Variants in STX6 observed in about 807,000 individuals in gnomAD.
The protein encoded by STX6 is syntaxin-6.
STX6 carries 23 observed loss-of-function variants against 38.0 expected under a neutral mutation model. The observed-to-expected ratio is 0.60, with a 90% CI of 0.43 to 0.86. The LOEUF is 0.86. Ranked by LOEUF, STX6 falls within the 40% of genes least tolerant of loss-of-function variation. The probability of loss-of-function intolerance (pLI) is 0.00; values close to 1 mark genes in which losing one functional copy is unlikely to be tolerated. For synonymous variants in STX6, 123 were observed against 107.5 expected (o/e 1.14, Z -0.89); for missense variants, 274 against 312.9 (o/e 0.88, Z 0.94).
intron 1 of STX6, among the ~76,000 whole-genome samples, chr1:181,011,561 C>T (rs909153970): frequency 2.6e-5 from 4 of 152,208 alleles, no homozygotes; most frequent in African/African-American, 9.7e-5. Flanking sequence ...GGAGACAACC[C>T]TCTCAATCCA....
chr1:181,004,005 G>A (rs1350969506), intron 2 of STX6, among the ~76,000 whole-genome samples: 1 of 152,208 alleles, frequency 6.6e-6, no homozygotes, highest in Admixed American at 6.5e-5. Context: ...TTACCGAAGT[G>A]TAACACTGGC....
At chr1:181,013,597 T>C (rs1385032726) in intron 1 of STX6, among the ~76,000 whole-genome samples, 1 of 152,230 alleles carries the variant, frequency 6.6e-6, no homozygotes, top group Non-Finnish European at 1.5e-5. Context: ...TTTTGATTTA[T>C]CCTTTCTTCT....
At chr1:181,002,990 C>G (rs762042678) in intron 2 of STX6, among the ~76,000 whole-genome samples, 1 of 152,228 alleles carries the variant, frequency 6.6e-6, no homozygotes, top group African/African-American at 2.4e-5. Flanking sequence ...TGGGCTCTTC[C>G]TGTTTGCCAA....
intron 1 of STX6, among the ~76,000 whole-genome samples, chr1:181,006,220 G>A (rs570078022): frequency 2.0e-5 from 3 of 151,892 alleles, no homozygotes; most frequent in Admixed American, 6.6e-5. Context: ...CCGCCACCAC[G>A]CCTGGCTAAT....
At position 180,984,750 on chromosome 1, in the gene STX6, G is replaced by C. The variant is rs557180248; in HGVS notation, c.618C>G (p.His206Gln). The C allele has an allele frequency of 1.4e-5, 22 of 1,585,662 alleles. No individual in the cohort carries two copies. The highest frequency in any genetic ancestry group is 1.7e-4 in the Middle Eastern group (1 of 6,030). The change falls in exon 7 of 8, where the codon CAC becomes CAG. Residue 206 changes from histidine (H) to glutamine (Q), a missense_variant. By Grantham distance (24) the His-to-Gln change is conservative (BLOSUM62 0). Transcript: ENST00000258301. ...GCCGGGACTGAGTGCTCTCCAATTC[G>C]TGAGAGAAATCTTCCAACATACTAG... The part of the protein sequence containing the change: ...EQAVMLEDFS[H>Q]ELESTQSRLD...
At position 180,984,080 on chromosome 1, in the gene STX6, A is replaced by AC. The variant is rs1334083870; in HGVS notation, c.691+596_691+597insG. ...CTCCATCTCAAAAAAAAAAAAAAAA[A>AC]AAAAAAAAAACACAACGAAAGTGAC... On this transcript the variant is annotated intron_variant, in intron 7 of 7. Transcript: ENST00000258301. Among the ~76,000 whole-genome samples, 6 of 148,756 alleles carry AC rather than the reference A, an allele frequency of 4.0e-5. No homozygotes were observed. The South Asian group carries it at 8.5e-4, about 21-fold the overall frequency.
rs2102311711 is a variant in STX6, at chr1:180,993,393, C to T, written c.333G>A (p.Val111=). Residue 111 remains valine, a synonymous_variant, in exon 4 of 8, where the codon GTG becomes GTA. Transcript: ENST00000258301. ...TATTTTTTCTTTCAGCTAATGCCTGCACAGATGAAGTTGACATCTGATCTT... is the reference window on the plus strand; with the variant it reads ...TATTTTTTCTTTCAGCTAATGCCTGTACAGATGAAGTTGACATCTGATCTT... ...DMKDQMSTSS[V]QALAERKNRQ... The T allele has an allele frequency of 2.5e-6, 4 of 1,599,746 alleles. No individual in the cohort carries two copies. Among genetic ancestry groups the T allele is most frequent in the Admixed American group, 1.7e-5 (1 of 59,916 alleles).
intron 1 of STX6, among the ~76,000 whole-genome samples, chr1:181,012,066 GAGTATATACCATGAAGC>G (rs1243109423): frequency 6.6e-6 from 1 of 152,102 alleles, no homozygotes; most frequent in Admixed American, 6.5e-5. Context: ...TTCCATGAGA[GAGTATATACCATGAAGC>G]AGTATATACC....
At chr1:180,988,997 T>C (rs1308187086) in intron 5 of STX6, 1 of 152,294 alleles carries the variant, frequency 6.6e-6, no homozygotes, top group Non-Finnish European at 1.5e-5. Context: ...AAAGAACATA[T>C]AAACTACATG....
intron 7 of STX6, 47 bp downstream of exon 7, chr1:180,984,630 G>T: frequency 1.2e-6 from 1 of 842,922 alleles, no homozygotes; most frequent in Non-Finnish European, 2.0e-6. Flanking sequence ...CCAAGACAGA[G>T]TTCTAGAATT....
intron 2 of STX6, among the ~76,000 whole-genome samples, chr1:181,003,945 T>C (rs1224690382): frequency 3.3e-5 from 5 of 152,348 alleles, no homozygotes; most frequent in Admixed American, 6.5e-5. Flanking sequence ...CACTGTAACA[T>C]CACTTCTTAA....
At chr1:181,007,060 G>A (rs1656244703) in intron 1 of STX6, among the ~76,000 whole-genome samples, 1 of 152,132 alleles carries the variant, frequency 6.6e-6, no homozygotes, top group African/African-American at 2.4e-5. Flanking sequence ...TATGGGATCT[G>A]GGTGATTTAG....
intron 1 of STX6, among the ~76,000 whole-genome samples, chr1:181,020,222 A>G (rs1247947729): frequency 6.6e-6 from 1 of 152,198 alleles, no homozygotes; most frequent in Admixed American, 6.5e-5. Flanking sequence ...CTCAAAAAAA[A>G]AAAATGTATT....
At chr1:181,021,339 A>G (rs1427619058) in intron 1 of STX6, among the ~76,000 whole-genome samples, 3 of 152,214 alleles carry the variant, frequency 2.0e-5, no homozygotes, top group Non-Finnish European at 4.4e-5. Context: ...TACACATATT[A>G]CCAGTAAATT....
At chr1:180,982,663 C>CTACT (rs938700768) in intron 7 of STX6, among the ~76,000 whole-genome samples, 9 of 152,214 alleles carry the variant, frequency 5.9e-5, no homozygotes, top group African/African-American at 2.2e-4. Flanking sequence ...GCTGAAGTAG[C>CTACT]TACTTGACTT....
chr1:180,982,805 G>A (rs562018224), intron 7 of STX6, among the ~76,000 whole-genome samples: 2 of 152,300 alleles, frequency 1.3e-5, no homozygotes, highest in Non-Finnish European at 2.9e-5. Context: ...AGAACAGAGG[G>A]AATCAGAAAA....
intron 3 of STX6, among the ~76,000 whole-genome samples, chr1:181,001,186 G>A (rs1656070794): frequency 6.6e-6 from 1 of 152,168 alleles, no homozygotes. Context: ...AATTTCAAAA[G>A]GAAATCACAT....
chr1:180,991,105 G>A (rs1655745285), intron 4 of STX6, among the ~76,000 whole-genome samples: 1 of 152,186 alleles, frequency 6.6e-6, no homozygotes. Context: ...GGTTCTGTCT[G>A]AAAACCCTTC....
At position 181,022,818 on chromosome 1, in the gene STX6, G is replaced by C. The variant is rs192939827; in HGVS notation, c.-145C>G. The C allele has an allele frequency of 1.3e-6, 1 of 753,312 alleles. No homozygotes were observed. The highest frequency in any genetic ancestry group is 2.4e-5 in the Admixed American group (1 of 41,904). The allele number at this position is 753,312 out of a possible 1,614,324, so 46.7% of individuals were successfully genotyped here. ...GAGCAGCGGGCACGCGCACAGGCCAGGTGCACAGGACGGCCGCTGGTCCAG... is the reference window on the plus strand; with the variant it reads ...GAGCAGCGGGCACGCGCACAGGCCACGTGCACAGGACGGCCGCTGGTCCAG... On this transcript the variant is annotated 5_prime_UTR_variant, in exon 1 of 8. Coordinates refer to ENST00000258301, the MANE Select transcript of STX6 (RefSeq NM_005819.6).
Sources: allele counts gnomAD v4.1 joint callset (sites outside exome capture counted in the v4.1 genomes callset), GRCh38; gene constraint gnomAD v4.1.1; transcripts MANE v1.5; gene names NCBI Gene and HGNC (gene_info 2026-07-23, HGNC 2026-07-21).